WTIP: variants seen among roughly 807,000 people sequenced by gnomAD.
WTIP encodes the protein Wilms tumor protein 1-interacting protein.
Under a neutral mutation model 41.7 loss-of-function variants are expected in WTIP, and 23 were observed. The ratio of observed to expected loss-of-function variants is 0.55; its 90% confidence interval spans 0.40 to 0.78. The LOEUF (loss-of-function observed/expected upper bound fraction) is 0.78, where lower values mean the gene tolerates loss of function less well. Ranked by LOEUF, WTIP falls within the 30% of genes least tolerant of loss-of-function variation. The pLI is 0.00. For synonymous variants in WTIP, 314 were observed against 269.9 expected (o/e 1.16, Z -1.60); for missense variants, 619 against 610.5 (o/e 1.01, Z -0.15).
chr19:34,486,767 G>A (rs1326865198), intron 1 of WTIP, among the ~76,000 whole-genome samples: 1 of 152,042 alleles, frequency 6.6e-6, no homozygotes, highest in Non-Finnish European at 1.5e-5. Flanking sequence ...GTCAGCAGTT[G>A]TAGTCTGTCT....
chr19:34,483,085 G>A (rs1206845383), intron 1 of WTIP, among the ~76,000 whole-genome samples: 1 of 144,440 alleles, frequency 6.9e-6, no homozygotes, highest in African/African-American at 2.6e-5. Flanking sequence ...GCTTACTGTA[G>A]CCGTCGCCTC....
At chr19:34,488,647 A>G (rs928060744) in intron 1 of WTIP, among the ~76,000 whole-genome samples, 9 of 151,594 alleles carry the variant, frequency 5.9e-5, no homozygotes, top group African/African-American at 1.5e-4. Flanking sequence ...GATTACAGGC[A>G]TGAGCCACTG....
chr19:34,507,482 G>C lies in WTIP; in HGVS notation c.*7213G>C, dbSNP rs1359282805. ...TCCCCTTTGGATGCCAGTTGAATCTGTGTCTTGTGCCCCCTGAGGGTCTGC... is the reference window on the plus strand; with the variant it reads ...TCCCCTTTGGATGCCAGTTGAATCTCTGTCTTGTGCCCCCTGAGGGTCTGC... On this transcript the variant is annotated 3_prime_UTR_variant, in exon 8 of 8. Coordinates refer to ENST00000590071, the MANE Select transcript of WTIP (RefSeq NM_001080436.2). 1 of 150,462 alleles carries C rather than the reference G, an allele frequency of 6.6e-6. No homozygotes were observed. The highest frequency in any genetic ancestry group is 1.5e-5 in the Non-Finnish European group (1 of 67,876). 9.3% of individuals were successfully genotyped at this position (150,462 alleles called of 1,614,324 possible).
At position 34,482,215 on chromosome 19, in the gene WTIP, C is replaced by G. The variant is rs2075770818; in HGVS notation, c.241C>G (p.Leu81Val). 1 of 1,146,880 alleles carries G rather than the reference C, an allele frequency of 8.7e-7. No homozygotes were observed. Among genetic ancestry groups the G allele is most frequent in the African/African-American group, 1.7e-5 (1 of 60,572 alleles). 71.0% of individuals were successfully genotyped at this position (1,146,880 alleles called of 1,614,324 possible). ...RGPRRAAVPE[L>V]SAQPAGSPRA... ...TCCCCGGCGCGCGGCGGTTCCGGAG[C>G]TCAGCGCGCAGCCTGCGGGCAGCCC... Residue 81 changes from leucine (L) to valine (V), a missense_variant, in exon 1 of 8, where the codon CTC (leucine) becomes GTC (valine). Physicochemically the swap from Leu to Val is conservative, Grantham distance 32 (BLOSUM62 1). Coordinates refer to ENST00000590071, the MANE Select transcript of WTIP (RefSeq NM_001080436.2).
intron 7 of WTIP, among the ~76,000 whole-genome samples, chr19:34,499,683 C>T (rs534788636): frequency 3.3e-5 from 5 of 152,176 alleles, no homozygotes; most frequent in Admixed American, 2.6e-4. Flanking sequence ...CCCATACCCC[C>T]TCTGGCAGAG....
At chr19:34,484,182 C>T (rs2075785600) in intron 1 of WTIP, among the ~76,000 whole-genome samples, 2 of 152,100 alleles carry the variant, frequency 1.3e-5, no homozygotes, top group South Asian at 4.1e-4. Flanking sequence ...GCCTCAGCCT[C>T]CCAAAATGTT....
chr19:34,481,825 C>A lies in WTIP; in HGVS notation c.-150C>A. The A allele has an allele frequency of 4.1e-6, 1 of 242,396 alleles. No individual in the cohort carries two copies. Among genetic ancestry groups the A allele is most frequent in the Non-Finnish European group, 6.5e-6 (1 of 153,622 alleles). The allele number at this position is 242,396 out of a possible 1,614,324, so 15.0% of individuals were successfully genotyped here. Reference sequence around the variant, plus strand: ...CCCGGCCCGCGCGTGGCCGCCGGAACGACCCCGGCCCGGCGCCGGCCCCGC... The same window carrying A: ...CCCGGCCCGCGCGTGGCCGCCGGAAAGACCCCGGCCCGGCGCCGGCCCCGC... On this transcript the variant is annotated 5_prime_UTR_variant, in exon 1 of 8. Transcript: ENST00000590071.
chr19:34,511,800 G>A lies in WTIP; in HGVS notation c.*11531G>A, dbSNP rs999831061. ...TGCATTGGCCATGGGCTTCCCTTTT[G>A]TGAGTTGCCTGTGAATGTCCTTTTC... On this transcript the variant is annotated 3_prime_UTR_variant, in exon 8 of 8. Transcript: ENST00000590071. 8 of 152,218 alleles carry A rather than the reference G, an allele frequency of 5.3e-5. No individual in the cohort carries two copies. The highest frequency in any genetic ancestry group is 1.3e-4 in the Admixed American group (2 of 15,280). 9.4% of individuals were successfully genotyped at this position (152,218 alleles called of 1,614,324 possible).
intron 2 of WTIP, among the ~76,000 whole-genome samples, chr19:34,490,678 CT>C (rs759811654): frequency 2.6e-4 from 39 of 152,340 alleles, no homozygotes; most frequent in Middle Eastern, 6.8e-3. Flanking sequence ...GGGCTGCCCC[CT>C]GGTCGTCAGC....
At chr19:34,498,913 C>T (rs1378508381) in intron 7 of WTIP, among the ~76,000 whole-genome samples, 1 of 146,600 alleles carries the variant, frequency 6.8e-6, no homozygotes, top group African/African-American at 2.5e-5. Flanking sequence ...AAACAAAAAA[C>T]CCCATCACGT....
At position 34,482,231 on chromosome 19, in the gene WTIP, CG is replaced by C; in HGVS notation, c.260del (p.Gly87AlafsTer214). ...AAVPELSAQP[A>X]GSPRASLAGS... ...GTTCCGGAGCTCAGCGCGCAGCCTG[CG>C]GGCAGCCCACGGGCCAGCCTGGCGG... On this transcript the variant is annotated frameshift_variant, in exon 1 of 8. Coordinates refer to ENST00000590071, the MANE Select transcript of WTIP (RefSeq NM_001080436.2). LOFTEE classifies it high-confidence loss of function. 8.5e-7 allele frequency: 1 copy of C among 1,174,572 alleles called. No homozygotes were observed. 72.8% of individuals were successfully genotyped at this position (1,174,572 alleles called of 1,614,324 possible).
At chr19:34,500,015 T>C (rs2075875915) in intron 7 of WTIP, 114 bp from the exon 8 acceptor site, 2 of 1,432,978 alleles carry the variant, frequency 1.4e-6, no homozygotes, top group East Asian at 4.8e-5. Context: ...AGTCTTCATG[T>C]TGTTTTGCGG....
chr19:34,493,713 T>C lies in WTIP; in HGVS notation c.1031+91T>C. On this transcript the variant is annotated intron_variant, in intron 5 of 7. Coordinates refer to ENST00000590071, the MANE Select transcript of WTIP (RefSeq NM_001080436.2). The surrounding 1 kb of genome is among the most constrained non-coding windows in gnomAD (Gnocchi z 4.1). ...TTTTTTCCTGCTGGACTGACTGCCC[T>C]TTGTTCTTGGCCTTTTGCCTTCCGC... The C allele has an allele frequency of 6.4e-7, 1 of 1,563,988 alleles. No homozygotes were observed. Among genetic ancestry groups the C allele is most frequent in the Non-Finnish European group, 8.7e-7 (1 of 1,149,518 alleles).
At chr19:34,487,229 C>G (rs1285019960) in intron 1 of WTIP, among the ~76,000 whole-genome samples, 1 of 151,718 alleles carries the variant, frequency 6.6e-6, no homozygotes, top group Non-Finnish European at 1.5e-5. Flanking sequence ...CTCAGCCTCC[C>G]AAGCAACTGG....
chr19:34,494,571 C>G lies in WTIP; in HGVS notation c.1032-15C>G, dbSNP rs1568400730. On this transcript the variant is annotated splice_polypyrimidine_tract_variant and intron_variant, in intron 5 of 7. Coordinates refer to ENST00000590071, the MANE Select transcript of WTIP (RefSeq NM_001080436.2). ...TCACTCAGCTGATCACTTCTGGTTTCCTTTATTTCTCTAGGGTTTTTGCAC... is the reference window on the plus strand; with the variant it reads ...TCACTCAGCTGATCACTTCTGGTTTGCTTTATTTCTCTAGGGTTTTTGCAC... 6.2e-7 allele frequency: 1 copy of G among 1,613,152 alleles called. No homozygotes were observed. The highest frequency in any genetic ancestry group is 1.7e-5 in the Admixed American group (1 of 59,918).
At chr19:34,487,257 AC>A (rs1330162434) in intron 1 of WTIP, among the ~76,000 whole-genome samples, 1 of 151,396 alleles carries the variant, frequency 6.6e-6, no homozygotes, top group Non-Finnish European at 1.5e-5. Flanking sequence ...GTCCACCACC[AC>A]GCCCGGCTAA....
chr19:34,506,657 G>A lies in WTIP; in HGVS notation c.*6388G>A, dbSNP rs1432419516. 4 of 152,178 alleles carry A rather than the reference G, an allele frequency of 2.6e-5. No homozygotes were observed. Among genetic ancestry groups the A allele is most frequent in the African/African-American group, 9.7e-5 (4 of 41,434 alleles). The allele number at this position is 152,178 out of a possible 1,614,324, so 9.4% of individuals were successfully genotyped here. On this transcript the variant is annotated 3_prime_UTR_variant, in exon 8 of 8. Transcript: ENST00000590071. ...CTGTAGTCCCAGCTACTGGGGAGGA[G>A]GCTGAGGCACGAGAATCGCTTGAAC...
chr19:34,497,020 A>G (rs1599961264), intron 7 of WTIP, among the ~76,000 whole-genome samples: 5 of 151,768 alleles, frequency 3.3e-5, no homozygotes, highest in Admixed American at 1.3e-4. Flanking sequence ...CCACCACCAC[A>G]CCCGGCTAGT....
rs1462802837 is a variant in WTIP at position 34,500,324 on chromosome 19, C to T, written c.*55C>T. The T allele has an allele frequency of 2.5e-5, 37 of 1,497,022 alleles. No homozygotes were observed. Among genetic ancestry groups the T allele is most frequent in the African/African-American group, 5.5e-5 (4 of 72,834 alleles). 92.7% of individuals were successfully genotyped at this position (1,497,022 alleles called of 1,614,324 possible). A position where few individuals can be genotyped will look rare whatever the true frequency, so the allele number is the denominator to read the frequency against. Reference sequence around the variant, plus strand: ...TGGGTGTGGGTGTGGAGGGAGGGCCCGCGTGGGTGGCCCTGGTCAGCGTCA... The same window carrying T: ...TGGGTGTGGGTGTGGAGGGAGGGCCTGCGTGGGTGGCCCTGGTCAGCGTCA... On this transcript the variant is annotated 3_prime_UTR_variant, in exon 8 of 8. Coordinates refer to ENST00000590071, the MANE Select transcript of WTIP (RefSeq NM_001080436.2).
Sources: allele counts gnomAD v4.1 joint callset (sites outside exome capture counted in the v4.1 genomes callset), GRCh38; gene constraint gnomAD v4.1.1; non-coding constraint Gnocchi (gnomAD v3.1); transcripts MANE v1.5; gene names NCBI Gene and HGNC (gene_info 2026-07-23, HGNC 2026-07-21).